PLXNA4: variants seen among roughly 807,000 people sequenced by gnomAD.
The protein encoded by PLXNA4 is plexin A4.
Under a neutral mutation model 191.8 loss-of-function variants are expected in PLXNA4, and 44 were observed. That is an observed-to-expected ratio of 0.23 (90% confidence interval 0.18 to 0.29). PLXNA4 has a LOEUF of 0.29. Among genes scored for constraint, PLXNA4 ranks in the 10% least tolerant of loss-of-function variants. PLXNA4 has a pLI of 1.00. For synonymous variants in PLXNA4, 1,082 were observed against 1,009.5 expected (o/e 1.07, Z -1.36); for missense variants, 1,800 against 2,488.8 (o/e 0.72, Z 5.89).
chr7:132,148,779 C>A (rs1042104180), intron 25 of PLXNA4, 133 bp from the exon 26 acceptor site: 19 of 1,367,124 alleles, frequency 1.4e-5, no homozygotes, highest in Middle Eastern at 2.1e-4. Flanking sequence ...CATGCTCCTG[C>A]GAAAATGGAG....
chr7:132,394,573 C>G (rs1362219541), intron 3 of PLXNA4, among the ~76,000 whole-genome samples: 1 of 152,216 alleles, frequency 6.6e-6, no homozygotes, highest in Non-Finnish European at 1.5e-5. Context: ...CACTTCTGCT[C>G]TGTTGTTAAC....
rs751701640 is a variant in PLXNA4 at position 132,140,805 on chromosome 7, G to A, written c.5232C>T (p.Pro1744=). ...TGATCATGTTGACCCAAAACCTCAGGGGCAGGCTGCGTGGAAGGAAGAGGC... is the reference window on the plus strand; with the variant it reads ...TGATCATGTTGACCCAAAACCTCAGAGGCAGGCTGCGTGGAAGGAAGAGGC... ...VRHTWKSNCL[P]LRFWVNMIKN... Residue 1744 remains proline (P), a synonymous_variant, in exon 30 of 32, where the codon CCC becomes CCT. Transcript: ENST00000321063. The A allele has an allele frequency of 2.9e-5, 47 of 1,613,916 alleles. No homozygotes were observed. The highest frequency in any genetic ancestry group is 3.5e-5 in the Non-Finnish European group (41 of 1,179,990).
chr7:132,454,926 C>T (rs1422641739), intron 3 of PLXNA4, among the ~76,000 whole-genome samples: 1 of 152,214 alleles, frequency 6.6e-6, no homozygotes, highest in African/African-American at 2.4e-5. Context: ...CAGATCTCTT[C>T]CTGTCCTACG....
intron 4 of PLXNA4, among the ~76,000 whole-genome samples, chr7:132,252,422 C>A (rs1290034433): frequency 6.8e-6 from 1 of 147,244 alleles, no homozygotes; most frequent in Non-Finnish European, 1.5e-5. Context: ...AGCGATTCTC[C>A]TGCCTCAGCC....
At chr7:132,333,408 T>G (rs957843572) in intron 3 of PLXNA4, among the ~76,000 whole-genome samples, 2 of 151,038 alleles carry the variant, frequency 1.3e-5, no homozygotes, top group Non-Finnish European at 2.9e-5. Flanking sequence ...AAGAGGGAGG[T>G]GGGGAGGTGG....
At chr7:132,372,151 C>T (rs528981530) in intron 3 of PLXNA4, among the ~76,000 whole-genome samples, 6 of 152,208 alleles carry the variant, frequency 3.9e-5, no homozygotes, top group Non-Finnish European at 8.8e-5. Context: ...CATCACGTGA[C>T]CTGTCATGTG....
chr7:132,508,687 C>T lies in PLXNA4; in HGVS notation c.7G>A (p.Ala3Thr). Residue 3 changes from alanine to threonine, a missense_variant, in exon 2 of 32, where the codon GCC becomes ACC. Physicochemically the swap from Ala to Thr is moderately conservative, Grantham distance 58. Coordinates refer to ENST00000321063, the MANE Select transcript of PLXNA4 (RefSeq NM_020911.2). The surrounding 1 kb of genome is among the most constrained non-coding windows in gnomAD (Gnocchi z 4.4). The part of the protein sequence containing the change: MK[A>T]MPWNWTCLLS... ...AGGCAGGTCCAGTTCCAGGGCATGG[C>T]TTTCATGGCAGAGGCGGGTCCCAGT... 5.9e-6 allele frequency: 9 copies of T among 1,515,200 alleles called. No homozygotes were observed. The highest frequency in any genetic ancestry group is 7.9e-6 in the Non-Finnish European group (9 of 1,132,556). The allele number at this position is 1,515,200 out of a possible 1,614,324, so 93.9% of individuals were successfully genotyped here.
At position 132,179,918 on chromosome 7, in the gene PLXNA4, G is replaced by C; in HGVS notation, c.3643C>G (p.Arg1215Gly). The change falls in exon 20 of 32, where the codon CGT becomes GGT. Residue 1215 changes from arginine (R) to glycine (G), a missense_variant. Arg to Gly is a moderately radical substitution (Grantham distance 125). Coordinates refer to ENST00000321063, the MANE Select transcript of PLXNA4 (RefSeq NM_020911.2). Reference sequence around the variant, plus strand: ...GGGGAGTACTCCATGCCACCGACACGGGCCTGGGGGCACACAGGGCAAGAG... The same window carrying C: ...GGGGAGTACTCCATGCCACCGACACCGGCCTGGGGGCACACAGGGCAAGAG... ...NLIGRHKVMA[R>G]VGGMEYSPGM... 6.2e-7 allele frequency: 1 copy of C among 1,604,072 alleles called. No homozygotes were observed. Among genetic ancestry groups the C allele is most frequent in the Non-Finnish European group, 8.5e-7 (1 of 1,174,476 alleles).
intron 16 of PLXNA4, among the ~76,000 whole-genome samples, chr7:132,184,718 A>C (rs1285027569): frequency 6.7e-6 from 1 of 149,366 alleles, no homozygotes; most frequent in Non-Finnish European, 1.5e-5. Context: ...ACAGGTGTTC[A>C]GTGCATCTGG....
chr7:132,329,042 G>A (rs1802485874), intron 3 of PLXNA4, among the ~76,000 whole-genome samples: 1 of 152,172 alleles, frequency 6.6e-6, no homozygotes. Context: ...CAGATTCTCG[G>A]ACTCCCTCCA....
chr7:132,334,483 C>T (rs1313189845), intron 3 of PLXNA4, among the ~76,000 whole-genome samples: 2 of 151,882 alleles, frequency 1.3e-5, no homozygotes, highest in Non-Finnish European at 2.9e-5. Context: ...GTCTCAAACT[C>T]CTGGCCCCAA....
chr7:132,470,559 AC>A (rs1446977844), intron 3 of PLXNA4, among the ~76,000 whole-genome samples: 3 of 152,214 alleles, frequency 2.0e-5, no homozygotes, highest in East Asian at 3.8e-4. Flanking sequence ...CGAATAGGTT[AC>A]CTAACATGGC....
chr7:132,558,359 T>C (rs1800890614), intron 1 of PLXNA4, among the ~76,000 whole-genome samples: 1 of 152,236 alleles, frequency 6.6e-6, no homozygotes, highest in Admixed American at 6.5e-5. Context: ...TAAGCTTTTT[T>C]ATAAAGGCTC....
chr7:132,647,454 C>G (rs1289261316), intron 1 of PLXNA4, among the ~76,000 whole-genome samples: 1 of 152,100 alleles, frequency 6.6e-6, no homozygotes, highest in Non-Finnish European at 1.5e-5. Context: ...CACACACTTA[C>G]ATACACAGTC....
At chr7:132,219,597 G>A (rs1305143577) in intron 9 of PLXNA4, among the ~76,000 whole-genome samples, 1 of 152,124 alleles carries the variant, frequency 6.6e-6, no homozygotes, top group African/African-American at 2.4e-5. Context: ...TCTTCCCCTA[G>A]AGTGGTGACA....
chr7:132,502,167 T>C (rs902615810), intron 2 of PLXNA4, among the ~76,000 whole-genome samples: 1 of 152,182 alleles, frequency 6.6e-6, no homozygotes, highest in African/African-American at 2.4e-5. Flanking sequence ...TTTCAGGATC[T>C]CAGGCGCCAG....
intron 3 of PLXNA4, among the ~76,000 whole-genome samples, chr7:132,467,611 G>A (rs1796758962): frequency 6.6e-6 from 1 of 152,198 alleles, no homozygotes. Context: ...TCAAAGGTGG[G>A]AAATTAACAC....
At chr7:132,628,506 T>C (rs1216582673) in intron 2 of PLXNA4, among the ~76,000 whole-genome samples, 1 of 152,190 alleles carries the variant, frequency 6.6e-6, no homozygotes, top group African/African-American at 2.4e-5. Context: ...TGGAAACTTA[T>C]ATTCTTTGAA....
chr7:132,610,518 C>A (rs897604065), intron 2 of PLXNA4, among the ~76,000 whole-genome samples: 2 of 152,218 alleles, frequency 1.3e-5, no homozygotes, highest in African/African-American at 4.8e-5. Context: ...GGCTGAATTT[C>A]ATCTTATTCA....
Sources: allele counts gnomAD v4.1 joint callset (sites outside exome capture counted in the v4.1 genomes callset), GRCh38; gene constraint gnomAD v4.1.1; non-coding constraint Gnocchi (gnomAD v3.1); transcripts MANE v1.5; gene names NCBI Gene and HGNC (gene_info 2026-07-23, HGNC 2026-07-21).